Variants in PRKG1 observed in about 807,000 individuals in gnomAD.
The protein encoded by PRKG1 is protein kinase cGMP-dependent 1.
In PRKG1, 35 loss-of-function variants were observed where a neutral mutation model predicts 88.1. The ratio of observed to expected loss-of-function variants is 0.40; its 90% CI spans 0.30 to 0.53. PRKG1 has a LOEUF of 0.53. Among genes scored for constraint, PRKG1 ranks in the 20% least tolerant of loss-of-function variants. The pLI is 0.59. For synonymous variants in PRKG1, 303 were observed against 292.5 expected (o/e 1.04, Z -0.37); for missense variants, 540 against 839.8 (o/e 0.64, Z 4.41).
intron 3 of PRKG1, among the ~76,000 whole-genome samples, chr10:51,589,540 C>T (rs931558524): frequency 6.6e-6 from 1 of 152,128 alleles, no homozygotes; most frequent in Non-Finnish European, 1.5e-5. Context: ...AGGAGAATTG[C>T]TTGAACCAGG....
intron 3 of PRKG1, among the ~76,000 whole-genome samples, chr10:51,724,612 A>G (rs1842087816): frequency 6.6e-6 from 1 of 152,182 alleles, no homozygotes; most frequent in Admixed American, 6.5e-5. Flanking sequence ...TAGTCTTGAA[A>G]TTCCTGGACT....
chr10:51,837,306 T>G (rs2132766955), intron 4 of PRKG1, among the ~76,000 whole-genome samples: 1 of 152,298 alleles, frequency 6.6e-6, no homozygotes, highest in African/African-American at 2.4e-5. Flanking sequence ...TCTCAAGTCT[T>G]TTGAATATGG....
intron 1 of PRKG1, among the ~76,000 whole-genome samples, chr10:51,084,070 G>A (rs1049512719): frequency 3.9e-5 from 6 of 152,188 alleles, no homozygotes; most frequent in African/African-American, 1.2e-4. Flanking sequence ...ATATGAAAAT[G>A]TATTCAGCTG....
chr10:51,067,955 AC>A (rs1399242573), intron 1 of PRKG1, among the ~76,000 whole-genome samples: 1 of 152,054 alleles, frequency 6.6e-6, no homozygotes, highest in Non-Finnish European at 1.5e-5. Flanking sequence ...TCCAGTCTAG[AC>A]CATGAAGGAA....
intron 2 of PRKG1, among the ~76,000 whole-genome samples, chr10:51,250,619 T>G (rs553566204): frequency 6.6e-6 from 1 of 151,988 alleles, no homozygotes; most frequent in East Asian, 1.9e-4. Flanking sequence ...CCTTTCTTTC[T>G]AAAGTTTGTG....
chr10:51,995,639 A>G (rs1844420639), intron 5 of PRKG1, among the ~76,000 whole-genome samples: 1 of 152,172 alleles, frequency 6.6e-6, no homozygotes, highest in African/African-American at 2.4e-5. Context: ...AAGGAAAGAA[A>G]GTGCAGTGAT....
At chr10:51,399,941 G>A (rs767994182) in intron 2 of PRKG1, among the ~76,000 whole-genome samples, 1 of 152,178 alleles carries the variant, frequency 6.6e-6, no homozygotes. Flanking sequence ...AATTTTGGCT[G>A]TAGGAGTTCT....
At chr10:51,040,294 CT>C (rs1479436192) in intron 1 of PRKG1, among the ~76,000 whole-genome samples, 3 of 71,362 alleles carry the variant, frequency 4.2e-5, no homozygotes, top group East Asian at 4.0e-4. Flanking sequence ...TTCTTTCTTG[CT>C]TTTTTTTCTT....
At chr10:52,249,276 C>T (rs560235785) in intron 9 of PRKG1, among the ~76,000 whole-genome samples, 126 of 151,460 alleles carry the variant, frequency 8.3e-4, no homozygotes, top group Middle Eastern at 3.4e-3. Flanking sequence ...TACTTATCTC[C>T]TGGGCCATTT....
intron 2 of PRKG1, among the ~76,000 whole-genome samples, chr10:51,262,346 G>A (rs541874562): frequency 3.9e-5 from 6 of 152,202 alleles, no homozygotes; most frequent in East Asian, 3.9e-4. Flanking sequence ...GAGGATCACC[G>A]ATCATCAAAT....
At chr10:51,484,785 T>A (rs1007183733) in intron 3 of PRKG1, among the ~76,000 whole-genome samples, 10 of 152,192 alleles carry the variant, frequency 6.6e-5, no homozygotes, top group African/African-American at 2.4e-4. Flanking sequence ...ATCTGAATTG[T>A]TATGCCTGAG....
chr10:51,679,875 C>A (rs1840804897), intron 3 of PRKG1, among the ~76,000 whole-genome samples: 1 of 109,456 alleles, frequency 9.1e-6, no homozygotes, highest in Non-Finnish European at 1.8e-5. Context: ...CCTCCCCCCT[C>A]CCCCGACCCC....
chr10:52,009,483 T>C (rs1844827579), intron 5 of PRKG1, among the ~76,000 whole-genome samples: 1 of 152,114 alleles, frequency 6.6e-6, no homozygotes, highest in South Asian at 2.1e-4. Flanking sequence ...GAAAGATCTC[T>C]ACAATGGTAA....
In PRKG1 at chr10:51,195,754, CTTATT is replaced by C. The variant is rs150082263; in HGVS notation, c.478+42428_478+42432del. 4.7e-3 allele frequency among the ~76,000 whole-genome samples: 714 copies of C among 152,118 alleles called. 2 individuals are homozygous for C. The highest frequency in any genetic ancestry group is 0.016 in the African/African-American group (673 of 41,508). ...TGTCTCTTAGAAAATTGTCATAAGT[CTTATT>C]TTACTTGAAGAAGATAAATATGATG... On this transcript the variant is annotated intron_variant, in intron 2 of 17. Transcript: ENST00000373980.
At chr10:52,171,123 GTGTTTTTTTTTTTTTTGGTTT>G (rs6143901) in intron 9 of PRKG1, among the ~76,000 whole-genome samples, 67,486 of 129,054 alleles carry the variant, frequency 0.52, 17,396 homozygotes, top group Admixed American at 0.64. Context: ...TCTTATTGGT[GTGTTTTTTTTTTTTTTGGTTT>G]TGTTTTTTTT....
At chr10:51,284,839 T>C (rs1447694830) in intron 2 of PRKG1, among the ~76,000 whole-genome samples, 3 of 146,196 alleles carry the variant, frequency 2.1e-5, no homozygotes, top group Non-Finnish European at 4.5e-5. Context: ...TATTGTGTTC[T>C]GGGTGTGGCT....
At chr10:51,571,337 G>A (rs1837747556) in intron 3 of PRKG1, among the ~76,000 whole-genome samples, 1 of 151,852 alleles carries the variant, frequency 6.6e-6, no homozygotes. Flanking sequence ...GTGTGTTACT[G>A]TCTCAACATT....
chr10:51,365,221 ATCT>A (rs1456048649), intron 2 of PRKG1, among the ~76,000 whole-genome samples: 10 of 151,836 alleles, frequency 6.6e-5, no homozygotes, highest in Admixed American at 2.0e-4. Context: ...TATCATCATC[ATCT>A]TCTTCGTCTT....
At chr10:51,484,114 A>G (rs959151610) in intron 3 of PRKG1, among the ~76,000 whole-genome samples, 2 of 152,202 alleles carry the variant, frequency 1.3e-5, no homozygotes, top group African/African-American at 4.8e-5. Flanking sequence ...GAGCTGAATT[A>G]ACTTGCTAAT....
Sources: gnomAD v4.1 joint callset for allele counts (sites outside exome capture counted in the v4.1 genomes callset) on GRCh38, gnomAD v4.1.1 for gene constraint, MANE v1.5 for transcripts, NCBI Gene and HGNC (gene_info 2026-07-23, HGNC 2026-07-21) for gene names.